The following PARVB variants were observed in gnomAD, a reference collection of about 807,000 sequenced individuals.
PARVB encodes parvin beta.
A neutral mutation model predicts 47.0 loss-of-function variants in PARVB; 46 were observed. That is an observed-to-expected ratio of 0.98 (90% confidence interval 0.77 to 1.25). PARVB has a LOEUF of 1.25. Among genes scored for constraint, PARVB ranks in the 50% most tolerant of loss-of-function variants. PARVB has a pLI of 0.00. For synonymous variants in PARVB, 196 were observed against 196.3 expected, an observed-to-expected ratio of 1.00 and a Z score of 0.01; for missense variants, 473 against 471.6, an observed-to-expected ratio of 1.00 and a Z score of -0.03.
intron 1 of PARVB, among the ~76,000 whole-genome samples, chr22:44,029,533 T>G (rs572083695): frequency 7.2e-5 from 11 of 152,212 alleles, no homozygotes; most frequent in African/African-American, 2.6e-4. Flanking sequence ...CCCAGCACTT[T>G]GGGAGGCTGA....
At chr22:44,075,601 C>T (rs1000853857) in intron 1 of PARVB, among the ~76,000 whole-genome samples, 2 of 152,188 alleles carry the variant, frequency 1.3e-5, no homozygotes, top group Non-Finnish European at 2.9e-5. Context: ...CCTGCTCATC[C>T]CTGTCTCCCT....
chr22:44,151,966 G>A (rs1298442693), intron 10 of PARVB: 5 of 189,960 alleles, frequency 2.6e-5, no homozygotes, highest in African/African-American at 9.3e-5. Context: ...ATCTTCATGT[G>A]GTGTCGTCCT....
At chr22:44,145,820 G>A (rs1039153739) in intron 8 of PARVB, 12 of 152,314 alleles carry the variant, frequency 7.9e-5, no homozygotes, top group African/African-American at 2.9e-4. Context: ...CCTGGCTGAC[G>A]TCAAGCACTC....
At chr22:44,082,869 A>G (rs1242309926) in intron 1 of PARVB, among the ~76,000 whole-genome samples, 1 of 151,974 alleles carries the variant, frequency 6.6e-6, no homozygotes, top group African/African-American at 2.4e-5. Flanking sequence ...CTTTTTTTAC[A>G]TTTCTATGTA....
chr22:44,097,949 C>T (rs1312449437), intron 2 of PARVB, among the ~76,000 whole-genome samples: 1 of 152,196 alleles, frequency 6.6e-6, no homozygotes, highest in Non-Finnish European at 1.5e-5. Flanking sequence ...GCACACAGTC[C>T]TGGGACATCC....
At chr22:44,007,593 C>T (rs559784699) in intron 2 of PARVB, among the ~76,000 whole-genome samples, 1 of 152,276 alleles carries the variant, frequency 6.6e-6, no homozygotes, top group East Asian at 1.9e-4. Context: ...CTTTTCCAAT[C>T]CCCCAAGGCA....
intron 1 of PARVB, among the ~76,000 whole-genome samples, chr22:44,079,566 G>T (rs1211238578): frequency 6.6e-6 from 1 of 152,222 alleles, no homozygotes; most frequent in Non-Finnish European, 1.5e-5. Context: ...CAGCCCTTTA[G>T]CCAGCGGCTG....
chr22:44,145,830 C>T (rs1183181684), intron 8 of PARVB: 2 of 152,212 alleles, frequency 1.3e-5, no homozygotes, highest in Non-Finnish European at 2.9e-5. Context: ...GTCAAGCACT[C>T]TTCTGCTCCT....
At chr22:44,001,090 A>G (rs1223282498) in intron 2 of PARVB, among the ~76,000 whole-genome samples, 3 of 152,160 alleles carry the variant, frequency 2.0e-5, no homozygotes, top group Non-Finnish European at 4.4e-5. Context: ...CTCTACTGAA[A>G]ATACAAAAAA....
chr22:44,057,982 G>A (rs1371827486), intron 1 of PARVB, among the ~76,000 whole-genome samples: 4 of 152,156 alleles, frequency 2.6e-5, no homozygotes. Flanking sequence ...TTCCTGTCTG[G>A]GGTGTACCCT....
At position 44,064,404 on chromosome 22, in the gene PARVB, G is replaced by A. The variant is rs1187702315; in HGVS notation, c.113-29524G>A. 3.9e-5 allele frequency among the ~76,000 whole-genome samples: 6 copies of A among 152,272 alleles called. No individual in the cohort carries two copies. The South Asian group carries it at 1.2e-3, about 32-fold the overall frequency. On this transcript the variant is annotated intron_variant, in intron 1 of 12. Coordinates refer to ENST00000338758, the MANE Select transcript of PARVB (RefSeq NM_013327.5). ...AGGAAATGTGTGTGGACTCGCGTTT[G>A]TTGAAGGGCCTGGCCGAGTTCCCCA...
rs557128568 is a variant in PARVB, at chr22:44,081,271, C to A, written c.113-12657C>A. On this transcript the variant is annotated intron_variant, in intron 1 of 12. Transcript: ENST00000338758. Reference sequence around the variant, plus strand: ...GGCTTCCAGCACTCCCCAAATCCACCTGCTTTTGGAAGGGGCCTGTCTCCG... The same window carrying A: ...GGCTTCCAGCACTCCCCAAATCCACATGCTTTTGGAAGGGGCCTGTCTCCG... Among the ~76,000 whole-genome samples, 447 of 152,240 alleles carry A rather than the reference C, an allele frequency of 2.9e-3. 2 individuals are homozygous for A. Among genetic ancestry groups the A allele is most frequent in the African/African-American group, 1.0e-2 (415 of 41,538 alleles).
In PARVB at chr22:44,080,716, T is replaced by C. The variant is rs1240760089; in HGVS notation, c.113-13212T>C. Among the ~76,000 whole-genome samples, 3 of 152,092 alleles carry C rather than the reference T, an allele frequency of 2.0e-5. No homozygotes were observed. In the South Asian group the frequency reaches 6.2e-4, roughly 32 times the overall value. On this transcript the variant is annotated intron_variant, in intron 1 of 12. Coordinates refer to ENST00000338758, the MANE Select transcript of PARVB (RefSeq NM_013327.5). ...AGTGACAGATGGAGTAGAAAGTACA[T>C]CCTTTGAGTTTTTACAGGAGACACT... is the stretch of plus-strand genomic sequence containing the variant.
At chr22:44,148,788 T>C (rs779711921) in intron 9 of PARVB, 1 of 152,204 alleles carries the variant, frequency 6.6e-6, no homozygotes, top group Non-Finnish European at 1.5e-5. Flanking sequence ...TAAGACGCAT[T>C]GTATTTTAGT....
intron 12 of PARVB, chr22:44,167,858 G>A (rs191322513): frequency 6.6e-6 from 1 of 152,512 alleles, no homozygotes; most frequent in Non-Finnish European, 1.5e-5. Flanking sequence ...CGAGAGGGAA[G>A]GAAAGGAGGC....
Position 44,156,698 on chromosome 22 carries a change from G to A in PARVB, c.844-1284G>A, listed in dbSNP as rs73424479. 1.7e-3 allele frequency among the ~76,000 whole-genome samples: 266 copies of A among 152,324 alleles called. 1 individual carries two copies. Among genetic ancestry groups the A allele is most frequent in the African/African-American group, 6.2e-3 (257 of 41,546 alleles). On this transcript the variant is annotated intron_variant, in intron 10 of 12. Coordinates refer to ENST00000338758, the MANE Select transcript of PARVB (RefSeq NM_013327.5). ...GTTAAAAGTAGTTAAGATGGTAAAT[G>A]TTATGGTATATTTTATGGTATATTT...
intron 2 of PARVB, among the ~76,000 whole-genome samples, chr22:44,009,721 C>CTT (rs2050502700): frequency 6.6e-6 from 1 of 150,950 alleles, no homozygotes; most frequent in African/African-American, 2.4e-5. Context: ...TAAAAACCCT[C>CTT]TTTTATATAA....
intron 1 of PARVB, among the ~76,000 whole-genome samples, chr22:44,072,823 C>A (rs951173092): frequency 2.7e-4 from 41 of 152,284 alleles, no homozygotes; most frequent in African/African-American, 9.1e-4. Flanking sequence ...AAGTTTCCGT[C>A]ATGAATAAGT....
chr22:44,014,284 A>T (rs2050554678), intron 2 of PARVB, among the ~76,000 whole-genome samples: 1 of 152,232 alleles, frequency 6.6e-6, no homozygotes, highest in Admixed American at 6.5e-5. Context: ...AGCATGGGGC[A>T]CAGAGTGCAT....
Sources: allele counts gnomAD v4.1 joint callset (sites outside exome capture counted in the v4.1 genomes callset), GRCh38; gene constraint gnomAD v4.1.1; transcripts MANE v1.5; gene names NCBI Gene and HGNC (gene_info 2026-07-23, HGNC 2026-07-21).